The following ACCSL variants were observed in gnomAD, a reference collection of about 807,000 sequenced individuals.
The protein encoded by ACCSL is probable inactive 1-aminocyclopropane-1-carboxylate synthase-like protein 2.
ACCSL carries 55 observed loss-of-function variants against 61.7 expected under a neutral mutation model. The ratio of observed to expected loss-of-function variants is 0.89; its 90% confidence interval spans 0.72 to 1.12. The LOEUF (loss-of-function observed/expected upper bound fraction) is 1.12, where lower values mean the gene tolerates loss of function less well. Ranked by LOEUF, ACCSL falls within the 50% of genes most tolerant of loss-of-function variation. ACCSL has a pLI of 0.00. For missense variants in ACCSL, 632 were observed against 698.0 expected (o/e 0.91, Z 1.07); for synonymous variants, 258 against 264.3 (o/e 0.98, Z 0.23).
rs762417134 is a variant in ACCSL, at chr11:44,053,488, A to G, written c.1031A>G (p.Tyr344Cys). ...TACTCCCCAGACTCACTGATGAAAT[A>G]CCTGGAATTTGCCAAGAGGTATGAG... ...DIYSPDSLMKYLEFAKRYNLH... is the reference protein window; with the variant it reads ...DIYSPDSLMKCLEFAKRYNLH... The change falls in exon 8 of 14, where the codon TAC (tyrosine) becomes TGC (cysteine). Residue 344 changes from tyrosine (Y) to cysteine (C), a missense_variant. Tyr to Cys is a radical substitution (Grantham distance 194). Coordinates refer to ENST00000378832, the MANE Select transcript of ACCSL (RefSeq NM_001031854.2). The G allele has an allele frequency of 2.7e-5, 43 of 1,613,964 alleles. No homozygotes were observed. The highest frequency in any genetic ancestry group is 3.6e-5 in the Non-Finnish European group (42 of 1,180,008).
the ACCSL span, among the ~76,000 whole-genome samples, chr11:44,041,598 T>C: frequency 6.6e-6 from 1 of 152,240 alleles, no homozygotes; most frequent in African/African-American, 2.4e-5. Context: ...TCTACAACTA[T>C]GTTAAACTCT....
At chr11:43,926,659 G>T in the ACCSL span, 1 of 310,404 alleles carries the variant, frequency 3.2e-6, no homozygotes, top group Non-Finnish European at 6.4e-6. Flanking sequence ...CTACAAAAGA[G>T]GTTTGTGTTC....
At position 44,050,179 on chromosome 11, in the gene ACCSL, G is replaced by A. The variant is rs186007139; in HGVS notation, c.564+58G>A. ...CCCTTCAAGGCTTAGTCCCCCTAGC[G>A]TGCTCCTGAGCTATGGTAGATACAG... On this transcript the variant is annotated intron_variant, in intron 2 of 13. Transcript: ENST00000378832. 5,958 of 1,438,408 alleles carry A rather than the reference G, an allele frequency of 4.1e-3. 15 individuals carry two copies. The highest frequency in any genetic ancestry group is 6.0e-3 in the Admixed American group (359 of 59,762). The allele number at this position is 1,438,408 out of a possible 1,614,324, so 89.1% of individuals were successfully genotyped here. A position where few individuals can be genotyped will look rare whatever the true frequency, so the allele number is the denominator to read the frequency against.
chr11:44,053,482 T>C lies in ACCSL; in HGVS notation c.1025T>C (p.Met342Thr), dbSNP rs769123181. Reference protein sequence around the residue: ...LGDIYSPDSLMKYLEFAKRYN... With the variant: ...LGDIYSPDSLTKYLEFAKRYN... Reference sequence around the variant, plus strand: ...GACATCTACTCCCCAGACTCACTGATGAAATACCTGGAATTTGCCAAGAGG... The same window carrying C: ...GACATCTACTCCCCAGACTCACTGACGAAATACCTGGAATTTGCCAAGAGG... Residue 342 changes from methionine to threonine, a missense_variant, in exon 8 of 14, where the codon ATG (methionine) becomes ACG (threonine). Met to Thr is a moderately conservative substitution (Grantham distance 81). Transcript: ENST00000378832. 3 of 1,614,152 alleles carry C rather than the reference T, an allele frequency of 1.9e-6. No individual in the cohort carries two copies. The highest frequency in any genetic ancestry group is 2.2e-5 in the South Asian group (2 of 91,082).
the ACCSL span, chr11:43,944,884 C>G: frequency 6.6e-6 from 1 of 152,558 alleles, no homozygotes; most frequent in Admixed American, 6.5e-5. Context: ...GGCTGACCCA[C>G]CCTGACAGGT....
At chr11:43,941,725 C>A in the ACCSL span, among the ~76,000 whole-genome samples, 1 of 152,222 alleles carries the variant, frequency 6.6e-6, no homozygotes, top group South Asian at 2.1e-4. Flanking sequence ...AGTTACTTAT[C>A]CCCTCTGTGC....
intron 9 of ACCSL, 55 bp downstream of exon 9, chr11:44,055,346 A>G: frequency 2.1e-6 from 3 of 1,451,704 alleles, no homozygotes. Context: ...CTTGTTTTGC[A>G]GGGTGAGTTT....
chr11:44,029,544 G>T, the ACCSL span, among the ~76,000 whole-genome samples: 1 of 152,228 alleles, frequency 6.6e-6, no homozygotes. Flanking sequence ...ATCACTGGCA[G>T]CTCATGCAGT....
chr11:44,023,280 C>T, the ACCSL span, among the ~76,000 whole-genome samples: 1 of 151,850 alleles, frequency 6.6e-6, no homozygotes, highest in African/African-American at 2.4e-5. Context: ...CTTGAACTCC[C>T]GGGCTCAAGC....
At chr11:43,942,914 A>C in the ACCSL span, 2 of 1,402,254 alleles carry the variant, frequency 1.4e-6, no homozygotes, top group Non-Finnish European at 1.9e-6. Flanking sequence ...CATGGCCGCC[A>C]AGCCCGGCGA....
the ACCSL span, among the ~76,000 whole-genome samples, chr11:43,940,611 A>G: frequency 1.3e-4 from 19 of 150,630 alleles, no homozygotes; most frequent in African/African-American, 4.1e-4. Context: ...CCGTCCGCCT[A>G]AGCCTCCCAA....
chr11:43,979,642 G>A, the ACCSL span, among the ~76,000 whole-genome samples: 1 of 152,022 alleles, frequency 6.6e-6, no homozygotes, highest in Non-Finnish European at 1.5e-5. Context: ...AAATTCACAT[G>A]CTTCGTTTCT....
the ACCSL span, among the ~76,000 whole-genome samples, chr11:44,019,837 C>T: frequency 3.3e-5 from 5 of 152,144 alleles, no homozygotes; most frequent in East Asian, 1.9e-4. Flanking sequence ...TCCAAGCTCA[C>T]GAAAATCTAC....
At chr11:43,925,388 C>T in the ACCSL span, 1 of 456,224 alleles carries the variant, frequency 2.2e-6, no homozygotes, top group Non-Finnish European at 4.4e-6. Flanking sequence ...ACTGGGACAG[C>T]CCTCCAAGGA....
intron 11 of ACCSL, among the ~76,000 whole-genome samples, chr11:44,056,726 G>A (rs1371225510): frequency 4.6e-5 from 7 of 152,158 alleles, no homozygotes; most frequent in Admixed American, 1.3e-4. Flanking sequence ...CAGCTACTTC[G>A]GGGGCTGAGG....
chr11:44,050,861 A>C (rs930440587), intron 3 of ACCSL, among the ~76,000 whole-genome samples: 2 of 99,590 alleles, frequency 2.0e-5, no homozygotes, highest in Non-Finnish European at 3.8e-5. Flanking sequence ...TTTTTTTTTG[A>C]GATGGAGTCT....
the ACCSL span, among the ~76,000 whole-genome samples, chr11:43,955,650 G>A: frequency 1.3e-5 from 2 of 152,056 alleles, no homozygotes; most frequent in African/African-American, 2.4e-5. Context: ...TGAGTCGGGT[G>A]GAGCTACTGG....
chr11:43,926,966 G>A, the ACCSL span, among the ~76,000 whole-genome samples: 1 of 152,222 alleles, frequency 6.6e-6, no homozygotes, highest in Admixed American at 6.5e-5. Context: ...AGCCTGGTCT[G>A]GAACTCCTGG....
chr11:43,952,058 CTTT>C, the ACCSL span, among the ~76,000 whole-genome samples: 1 of 146,956 alleles, frequency 6.8e-6, no homozygotes, highest in East Asian at 2.0e-4. Context: ...ATATAGGTAT[CTTT>C]TTTTTTTTTT....
Sources: allele counts gnomAD v4.1 joint callset (sites outside exome capture counted in the v4.1 genomes callset), GRCh38; gene constraint gnomAD v4.1.1; transcripts MANE v1.5; gene names NCBI Gene and HGNC (gene_info 2026-07-23, HGNC 2026-07-21).